PCDHGA4: variants seen among roughly 807,000 people sequenced by gnomAD.
The protein encoded by PCDHGA4 is protocadherin gamma subfamily A, 4.
PCDHGA4 carries 38 observed loss-of-function variants against 54.6 expected under a neutral mutation model. The observed-to-expected ratio is 0.70, with a 90% CI of 0.54 to 0.91. The LOEUF is 0.91. PCDHGA4 is among the 40% of genes least tolerant of loss of function. The probability of loss-of-function intolerance (pLI) is 0.00; values close to 1 mark genes in which losing one functional copy is unlikely to be tolerated. For synonymous variants in PCDHGA4, 511 were observed against 512.9 expected, an observed-to-expected ratio of 1.00 and a Z score of 0.05; for missense variants, 1,298 against 1,220.9, an observed-to-expected ratio of 1.06 and a Z score of -0.94.
chr5:141,371,018 C>T (rs750315441), intron 1 of PCDHGA4: 17 of 1,613,876 alleles, frequency 1.1e-5, no homozygotes, highest in Non-Finnish European at 1.3e-5. Flanking sequence ...AGCCACATCA[C>T]CACCTGGTCC....
At chr5:141,404,022 G>C (rs2094476462) in intron 1 of PCDHGA4, 1 of 1,613,754 alleles carries the variant, frequency 6.2e-7, no homozygotes, top group Admixed American at 1.7e-5. Context: ...AGCCCAGTGA[G>C]AGAAGACGCA....
intron 1 of PCDHGA4, among the ~76,000 whole-genome samples, chr5:141,437,983 A>G (rs544812394): frequency 4.6e-5 from 7 of 151,938 alleles, no homozygotes; most frequent in Admixed American, 2.6e-4. Context: ...GGATGCACCC[A>G]CCCCACCTCA....
chr5:141,415,452 C>T, intron 1 of PCDHGA4: 1 of 1,614,240 alleles, frequency 6.2e-7, no homozygotes, highest in South Asian at 1.1e-5. Flanking sequence ...CCTATTCCCA[C>T]GAGGTCTCTC....
In PCDHGA4 at chr5:141,478,818, C is replaced by T. The variant is rs980032138; in HGVS notation, c.2515-15989C>T. ...AGCACTCTTTTGCTATCACAACTAA[C>T]CAATCTTGCTAAGGGATGGTTAAGC... On this transcript the variant is annotated intron_variant, in intron 1 of 3. Transcript: ENST00000571252. The T allele has an allele frequency of 2.1e-5, 30 of 1,449,330 alleles. No individual in the cohort carries two copies. The African/African-American group carries it at 3.3e-4, about 16-fold the overall frequency. 89.8% of individuals were successfully genotyped at this position (1,449,330 alleles called of 1,614,324 possible). A position where few individuals can be genotyped will look rare whatever the true frequency, so the allele number is the denominator to read the frequency against.
At chr5:141,397,614 A>ACTAGAACT (rs2150713337) in intron 1 of PCDHGA4, among the ~76,000 whole-genome samples, 1 of 152,358 alleles carries the variant, frequency 6.6e-6, no homozygotes, top group African/African-American at 2.4e-5. Context: ...CAAGGGCAAT[A>ACTAGAACT]CTTAGTTCTA....
chr5:141,367,417 G>A (rs1389870101), intron 1 of PCDHGA4: 5 of 152,198 alleles, frequency 3.3e-5, no homozygotes, highest in Non-Finnish European at 7.3e-5. Context: ...GGCGCCTGTA[G>A]TCCCAGCTAC....
At position 141,490,293 on chromosome 5, in the gene PCDHGA4, ATTG is replaced by A; in HGVS notation, c.2515-4513_2515-4511del. The A allele has an allele frequency of 1.9e-6, 3 of 1,614,190 alleles. No individual in the cohort carries two copies. Among genetic ancestry groups the A allele is most frequent in the Non-Finnish European group, 2.5e-6 (3 of 1,180,028 alleles). On this transcript the variant is annotated intron_variant, in intron 1 of 3. Coordinates refer to ENST00000571252, the MANE Select transcript of PCDHGA4 (RefSeq NM_018917.4). The surrounding 1 kb of genome is among the most constrained non-coding windows in gnomAD (Gnocchi z 5.4). ...TCAATGACAATGCCCCAGAGGTGCTATTGGCCTCTTTGGCCAACCCTGTCCTAG... is the reference window on the plus strand; with the variant it reads ...TCAATGACAATGCCCCAGAGGTGCTAGCCTCTTTGGCCAACCCTGTCCTAG...
intron 1 of PCDHGA4, chr5:141,478,619 A>G: frequency 6.4e-7 from 1 of 1,555,598 alleles, no homozygotes; most frequent in Non-Finnish European, 8.7e-7. Context: ...GAAGGAATGG[A>G]GCTGTTTTTT....
chr5:141,376,676 G>GTGTTTTTTT (rs1773033495), intron 1 of PCDHGA4: 1 of 275,812 alleles, frequency 3.6e-6, no homozygotes, highest in African/African-American at 3.7e-5. Flanking sequence ...TGAGGGTATC[G>GTGTTTTTTT]TTTTTTTTTT....
chr5:141,385,308 C>A, intron 1 of PCDHGA4: 1 of 1,612,216 alleles, frequency 6.2e-7, no homozygotes, highest in Non-Finnish European at 8.5e-7. Context: ...GTAAAGAAAA[C>A]CTGCCAAGTA....
At chr5:141,460,159 T>A (rs1313260289) in intron 1 of PCDHGA4, among the ~76,000 whole-genome samples, 3 of 152,260 alleles carry the variant, frequency 2.0e-5, no homozygotes, top group Non-Finnish European at 1.5e-5. Context: ...CTTTGTCACA[T>A]ACATATTTTG....
intron 1 of PCDHGA4, chr5:141,399,003 A>C: frequency 6.2e-7 from 1 of 1,613,966 alleles, no homozygotes; most frequent in East Asian, 2.2e-5. Context: ...GTCTGAATTC[A>C]AAGAGCGGAG....
At chr5:141,375,619 G>A (rs373115950) in intron 1 of PCDHGA4, 123 of 1,614,098 alleles carry the variant, frequency 7.6e-5, no homozygotes, top group Non-Finnish European at 1.0e-4. Context: ...CCGACACTGG[G>A]ATTCTGTACG....
chr5:141,362,321 C>T, intron 1 of PCDHGA4: 1 of 1,614,078 alleles, frequency 6.2e-7, no homozygotes, highest in Admixed American at 1.7e-5. Flanking sequence ...TGTTTTCAGC[C>T]TGGTCTCAGC....
rs1284075623 is a variant in PCDHGA4, at chr5:141,356,070, G to A, written c.963G>A (p.Gln321=). Residue 321 remains glutamine, a synonymous_variant, in exon 1 of 4, where the codon CAG becomes CAA. Transcript: ENST00000571252. ...GGAAAGTAAGAGACAAAATATCACA[G>A]CTATTTCAGTTGAATTCTCTGAGTG... ...SFRKVRDKIS[Q]LFQLNSLSGD... The A allele has an allele frequency of 1.9e-6, 3 of 1,613,902 alleles. No individual in the cohort carries two copies. The highest frequency in any genetic ancestry group is 2.2e-5 in the East Asian group (1 of 44,880).
At chr5:141,375,442 C>A (rs746357528) in intron 1 of PCDHGA4, 1 of 1,614,034 alleles carries the variant, frequency 6.2e-7, no homozygotes, top group Non-Finnish European at 8.5e-7. Flanking sequence ...CCACCTTCCC[C>A]CATTCATCCT....
At chr5:141,445,553 A>G (rs948468877) in intron 1 of PCDHGA4, among the ~76,000 whole-genome samples, 1 of 152,252 alleles carries the variant, frequency 6.6e-6, no homozygotes, top group Non-Finnish European at 1.5e-5. Context: ...ATACAAAAGC[A>G]CTAAGAGAAA....
At chr5:141,383,483 T>A (rs1779176353) in intron 1 of PCDHGA4, 1 of 1,613,378 alleles carries the variant, frequency 6.2e-7, no homozygotes, top group Non-Finnish European at 8.5e-7. Flanking sequence ...CCGGAACTGG[T>A]GCTGGAGCGG....
chr5:141,394,803 G>A lies in PCDHGA4; in HGVS notation c.2514+37182G>A, dbSNP rs143444747. The A allele has an allele frequency of 2.5e-6, 4 of 1,613,844 alleles. No homozygotes were observed. In the African/African-American group the frequency reaches 4.0e-5, roughly 16 times the overall value. On this transcript the variant is annotated intron_variant, in intron 1 of 3. Coordinates refer to ENST00000571252, the MANE Select transcript of PCDHGA4 (RefSeq NM_018917.4). Reference sequence around the variant, plus strand: ...CGCCACTGTCACGCTCACCGTAGCCGTGGCTGACAGCATCCCCGAAGTCCT... The same window carrying A: ...CGCCACTGTCACGCTCACCGTAGCCATGGCTGACAGCATCCCCGAAGTCCT...
Sources: gnomAD v4.1 joint callset for allele counts (sites outside exome capture counted in the v4.1 genomes callset) on GRCh38, gnomAD v4.1.1 for gene constraint, Gnocchi (gnomAD v3.1) non-coding constraint, MANE v1.5 for transcripts, NCBI Gene and HGNC (gene_info 2026-07-23, HGNC 2026-07-21) for gene names.